Variants in CAST observed in about 807,000 individuals in gnomAD.
The protein encoded by CAST is calpastatin, also known as MIR583 host.
Under a neutral mutation model 119.6 loss-of-function variants are expected in CAST, and 76 were observed. That is an observed-to-expected ratio of 0.64 (90% confidence interval 0.53 to 0.77). CAST has a LOEUF of 0.77. Among genes scored for constraint, CAST ranks in the 30% least tolerant of loss-of-function variants. The probability of loss-of-function intolerance (pLI) is 0.00; values close to 1 mark genes in which losing one functional copy is unlikely to be tolerated. For synonymous variants in CAST, 319 were observed against 331.6 expected (o/e 0.96, Z 0.41); for missense variants, 953 against 946.5 (o/e 1.01, Z -0.09).
the CAST span, among the ~76,000 whole-genome samples, chr5:96,184,587 T>C: frequency 6.6e-6 from 1 of 150,926 alleles, no homozygotes; most frequent in South Asian, 2.1e-4. Flanking sequence ...CTCCTACTTA[T>C]AAGTGAGAAT....
rs1338782232 is a variant in CAST, at chr5:96,756,864, G to C, written c.1711-580G>C. 5.9e-5 allele frequency among the ~76,000 whole-genome samples: 9 copies of C among 152,160 alleles called. 1 individual carries two copies. The highest frequency in any genetic ancestry group is 1.3e-4 in the Non-Finnish European group (9 of 68,030). On this transcript the variant is annotated intron_variant, in intron 22 of 31. Transcript: ENST00000675179. The stretch of plus-strand genomic sequence containing the variant: ...TCGTGTTACTCAAATGTGGCACTTG[G>C]AGTCATAAACAGCTTGACCTAATCT...
chr5:96,393,312 CGCT>C, the CAST span: 1 of 1,614,044 alleles, frequency 6.2e-7, no homozygotes. Context: ...CGGCCCCCTA[CGCT>C]GCTGCTGCTG....
chr5:96,584,289 G>A (rs979482958), intron 1 of CAST, among the ~76,000 whole-genome samples: 1 of 152,192 alleles, frequency 6.6e-6, no homozygotes, highest in Non-Finnish European at 1.5e-5. Context: ...TCTGACAGGG[G>A]ACAGAGCTCA....
chr5:96,035,191 T>G, the CAST span, among the ~76,000 whole-genome samples: 1 of 123,628 alleles, frequency 8.1e-6, no homozygotes, highest in African/African-American at 3.0e-5. Flanking sequence ...ATATATAAAA[T>G]AAGTATATAT....
At chr5:96,291,943 T>C in the CAST span, among the ~76,000 whole-genome samples, 1 of 151,744 alleles carries the variant, frequency 6.6e-6, no homozygotes, top group Non-Finnish European at 1.5e-5. Context: ...TTCTTCCAAA[T>C]ATTTTGTCTC....
rs199529798 is a variant in CAST at position 96,726,863 on chromosome 5, A to T, written c.336+4A>T. ...CAAGAAAAAACACAAAAAACAGGTG[A>T]TGTTGTTCATTGTACTAGGGCATCT... is the stretch of plus-strand genomic sequence containing the variant. On this transcript the variant is annotated splice_donor_region_variant and intron_variant, in intron 5 of 31. Coordinates refer to ENST00000675179, the MANE Select transcript of CAST (RefSeq NM_001750.7). 322 of 1,606,548 alleles carry T rather than the reference A, an allele frequency of 2.0e-4. No homozygotes were observed. Among genetic ancestry groups the T allele is most frequent in the Non-Finnish European group, 2.6e-4 (300 of 1,173,506 alleles).
intron 1 of CAST, among the ~76,000 whole-genome samples, chr5:96,653,555 C>G (rs1222005210): frequency 6.6e-6 from 1 of 152,150 alleles, no homozygotes; most frequent in East Asian, 1.9e-4. Flanking sequence ...CAAATAAAAC[C>G]TCGTAACATT....
the CAST span, among the ~76,000 whole-genome samples, chr5:96,421,702 A>G: frequency 6.6e-6 from 1 of 152,180 alleles, no homozygotes; most frequent in Non-Finnish European, 1.5e-5. Context: ...AACCAAAGGG[A>G]ATATAAAAAT....
At chr5:96,745,670 A>G (rs2150547190) in intron 16 of CAST, among the ~76,000 whole-genome samples, 1 of 152,354 alleles carries the variant, frequency 6.6e-6, no homozygotes, top group African/African-American at 2.4e-5. Context: ...CCTAGCAGTC[A>G]GTGATCTACT....
At chr5:96,294,049 T>A in the CAST span, among the ~76,000 whole-genome samples, 1 of 152,236 alleles carries the variant, frequency 6.6e-6, no homozygotes, top group South Asian at 2.1e-4. Context: ...CATGAGCCAC[T>A]GTGCCTGGCC....
chr5:96,312,720 A>G, the CAST span, among the ~76,000 whole-genome samples: 1 of 152,232 alleles, frequency 6.6e-6, no homozygotes, highest in African/African-American at 2.4e-5. Context: ...TAGTATTCAG[A>G]ATTACTTCAT....
the CAST span, among the ~76,000 whole-genome samples, chr5:96,135,976 G>T: frequency 6.6e-6 from 1 of 152,034 alleles, no homozygotes; most frequent in Non-Finnish European, 1.5e-5. Context: ...CAGGAGAATC[G>T]CTTGAACCTG....
At chr5:96,223,244 A>G in the CAST span, among the ~76,000 whole-genome samples, 2 of 152,290 alleles carry the variant, frequency 1.3e-5, no homozygotes, top group Non-Finnish European at 2.9e-5. Context: ...AATAGATTAC[A>G]TGTTTCAAAG....
the CAST span, among the ~76,000 whole-genome samples, chr5:96,230,348 T>C: frequency 6.6e-6 from 1 of 152,172 alleles, no homozygotes; most frequent in African/African-American, 2.4e-5. Flanking sequence ...CACTGTCTTC[T>C]CTTTATCAAT....
At chr5:96,337,042 C>G in the CAST span, among the ~76,000 whole-genome samples, 4 of 151,952 alleles carry the variant, frequency 2.6e-5, no homozygotes, top group Non-Finnish European at 5.9e-5. Flanking sequence ...TTAGATGAAA[C>G]ATATTTGAAA....
At chr5:96,126,196 T>A in the CAST span, among the ~76,000 whole-genome samples, 2 of 152,164 alleles carry the variant, frequency 1.3e-5, no homozygotes, top group African/African-American at 2.4e-5. Context: ...GCACAAAGTC[T>A]GTTATATTAA....
At chr5:96,552,856 C>T (rs1027036745) in intron 1 of CAST, among the ~76,000 whole-genome samples, 2 of 152,062 alleles carry the variant, frequency 1.3e-5, no homozygotes, top group Non-Finnish European at 2.9e-5. Flanking sequence ...CAAGACTAAA[C>T]GAGGAAGAAG....
the CAST span, among the ~76,000 whole-genome samples, chr5:96,486,498 A>C: frequency 6.6e-6 from 1 of 152,166 alleles, no homozygotes; most frequent in Non-Finnish European, 1.5e-5. Context: ...CAAACCCTGC[A>C]TGAGCCTAGA....
intron 1 of CAST, among the ~76,000 whole-genome samples, chr5:96,536,913 C>A (rs1745826544): frequency 1.3e-5 from 2 of 152,150 alleles, no homozygotes; most frequent in Non-Finnish European, 2.9e-5. Flanking sequence ...ATGGGAACTT[C>A]TGATCTCATT....
Sources: allele counts gnomAD v4.1 joint callset (sites outside exome capture counted in the v4.1 genomes callset), GRCh38; gene constraint gnomAD v4.1.1; transcripts MANE v1.5; gene names NCBI Gene and HGNC (gene_info 2026-07-23, HGNC 2026-07-21).